Variants in BMAL2 observed in about 807,000 individuals in gnomAD.
The protein encoded by BMAL2 is basic helix-loop-helix ARNT-like protein 2.
At chr12:27,418,128 T>G in the BMAL2 span, 2 of 1,613,196 alleles carry the variant, frequency 1.2e-6, no homozygotes, top group Admixed American at 1.7e-5. Flanking sequence ...CCTTCTGAAA[T>G]GGGGGAGCTA....
At chr12:27,392,783 T>C in the BMAL2 span, among the ~76,000 whole-genome samples, 1 of 152,338 alleles carries the variant, frequency 6.6e-6, no homozygotes, top group East Asian at 1.9e-4. Context: ...AAATTTTGTA[T>C]GTGTTTTAAA....
At chr12:27,377,437 C>G in the BMAL2 span, 1 of 152,236 alleles carries the variant, frequency 6.6e-6, no homozygotes, top group Non-Finnish European at 1.5e-5. Context: ...TCATCTCTCT[C>G]CAGATCCTGG....
chr12:27,418,131 G>C, the BMAL2 span: 1 of 1,613,082 alleles, frequency 6.2e-7, no homozygotes, highest in East Asian at 2.2e-5. Flanking sequence ...TCTGAAATGG[G>C]GGAGCTAGAG....
At chr12:27,403,448 C>T in the BMAL2 span, 1 of 1,603,140 alleles carries the variant, frequency 6.2e-7, no homozygotes, top group Non-Finnish European at 8.5e-7. Flanking sequence ...TCTAGACAGT[C>T]CTGTATGAGT....
At chr12:27,359,683 A>G in the BMAL2 span, among the ~76,000 whole-genome samples, 8 of 151,828 alleles carry the variant, frequency 5.3e-5, no homozygotes, top group Admixed American at 3.3e-4. Context: ...CCTTGTCTCA[A>G]AAACAAACAA....
At chr12:27,345,574 C>T in the BMAL2 span, among the ~76,000 whole-genome samples, 3 of 152,112 alleles carry the variant, frequency 2.0e-5, no homozygotes, top group Non-Finnish European at 4.4e-5. Context: ...CTGCAGCCTC[C>T]ACGCCTTGGG....
chr12:27,392,672 T>A, the BMAL2 span, among the ~76,000 whole-genome samples: 3 of 147,586 alleles, frequency 2.0e-5, no homozygotes, highest in Non-Finnish European at 4.5e-5. Context: ...TACACAGAAA[T>A]CCGTAAGAGG....
chr12:27,385,838 C>T, the BMAL2 span, among the ~76,000 whole-genome samples: 1 of 152,078 alleles, frequency 6.6e-6, no homozygotes, highest in Non-Finnish European at 1.5e-5. Context: ...CACATAGGAT[C>T]TACTCCCCCA....
At chr12:27,394,105 A>C in the BMAL2 span, among the ~76,000 whole-genome samples, 1 of 152,046 alleles carries the variant, frequency 6.6e-6, no homozygotes, top group Admixed American at 6.6e-5. Flanking sequence ...CTAAGTTTAA[A>C]ATTTTTTGTA....
the BMAL2 span, among the ~76,000 whole-genome samples, chr12:27,392,515 G>T: frequency 7.4e-6 from 1 of 134,954 alleles, no homozygotes; most frequent in Non-Finnish European, 1.6e-5. Flanking sequence ...CCAAGGGCAG[G>T]AATATTCCTT....
the BMAL2 span, among the ~76,000 whole-genome samples, chr12:27,396,683 G>A: frequency 1.3e-5 from 2 of 152,230 alleles, no homozygotes; most frequent in Non-Finnish European, 2.9e-5. Context: ...CTTGCACTCA[G>A]AGGCAAATAT....
chr12:27,348,280 T>G, the BMAL2 span, among the ~76,000 whole-genome samples: 11 of 152,230 alleles, frequency 7.2e-5, no homozygotes, highest in Non-Finnish European at 1.6e-4. Context: ...TTTGGCTTTT[T>G]TGTTCAACAT....
At chr12:27,397,913 C>T in the BMAL2 span, among the ~76,000 whole-genome samples, 3 of 152,316 alleles carry the variant, frequency 2.0e-5, no homozygotes, top group Admixed American at 2.0e-4. Context: ...CTGTCAGTGC[C>T]CCATGGCATA....
chr12:27,340,599 G>T, the BMAL2 span, among the ~76,000 whole-genome samples: 4 of 150,840 alleles, frequency 2.7e-5, no homozygotes, highest in Non-Finnish European at 5.9e-5. Flanking sequence ...CTTTTTTTTT[G>T]GTTCCATATG....
At chr12:27,377,442 T>C in the BMAL2 span, 1 of 152,212 alleles carries the variant, frequency 6.6e-6, no homozygotes, top group African/African-American at 2.4e-5. Flanking sequence ...TCTCTCCAGA[T>C]CCTGGCTCAG....
the BMAL2 span, among the ~76,000 whole-genome samples, chr12:27,355,225 A>G: frequency 6.6e-6 from 1 of 151,834 alleles, no homozygotes; most frequent in African/African-American, 2.4e-5. Context: ...ATTCTTAGAG[A>G]CATTTCCTCT....
chr12:27,350,892 C>A, the BMAL2 span, among the ~76,000 whole-genome samples: 1 of 151,780 alleles, frequency 6.6e-6, no homozygotes, highest in African/African-American at 2.4e-5. Context: ...GTTGGCCAGG[C>A]TGGTCTCGAA....
At chr12:27,365,833 TTATATTC>T in the BMAL2 span, among the ~76,000 whole-genome samples, 1 of 151,876 alleles carries the variant, frequency 6.6e-6, no homozygotes, top group Non-Finnish European at 1.5e-5. Context: ...TCTTATATGT[TTATATTC>T]TATTTCATTA....
At chr12:27,368,141 C>A in the BMAL2 span, 2 of 1,222,622 alleles carry the variant, frequency 1.6e-6, no homozygotes, top group Non-Finnish European at 2.3e-6. Context: ...CAGCGCCTGG[C>A]CTTAGCTGGT....
Sources: allele counts gnomAD v4.1 joint callset (sites outside exome capture counted in the v4.1 genomes callset), GRCh38; gene constraint gnomAD v4.1.1; transcripts MANE v1.5; gene names NCBI Gene and HGNC (gene_info 2026-07-23, HGNC 2026-07-21).